SEPTIN10: variants seen among roughly 807,000 people sequenced by gnomAD.
The protein encoded by SEPTIN10 is septin 10.
A neutral mutation model predicts 54.8 loss-of-function variants in SEPTIN10; 66 were observed. That is an observed-to-expected ratio of 1.21 (90% CI 0.99 to 1.48). The LOEUF (loss-of-function observed/expected upper bound fraction) is 1.48, where lower values mean the gene tolerates loss of function less well. SEPTIN10 is among the 40% of genes most tolerant of loss of function. The pLI is 0.00. For missense variants in SEPTIN10, 620 were observed against 545.6 expected (o/e 1.14, Z -1.36); for synonymous variants, 161 against 181.0 (o/e 0.89, Z 0.89).
chr2:109,566,912 T>C (rs1687167163), intron 6 of SEPTIN10, among the ~76,000 whole-genome samples: 1 of 152,216 alleles, frequency 6.6e-6, no homozygotes, highest in Non-Finnish European at 1.5e-5. Context: ...ATTTAGTTTC[T>C]TAATGGTGGC....
chr2:109,565,812 G>A lies in SEPTIN10; in HGVS notation c.810C>T (p.Val270=), dbSNP rs369518984. 996 of 1,613,886 alleles carry A rather than the reference G, an allele frequency of 6.2e-4. 1 individual carries two copies. The highest frequency in any genetic ancestry group is 8.2e-4 in the Non-Finnish European group (965 of 1,179,974). Residue 270 remains valine, a synonymous_variant, in exon 7 of 11, where the codon GTC becomes GTT. Coordinates refer to ENST00000397712, the MANE Select transcript of SEPTIN10 (RefSeq NM_144710.5). ...AVVGSMDEVK[V]GNKMVKARQY... ...GGCGAGCTTTGACCATCTTGTTTCC[G>A]ACTTTTACCTCATCCATACTTCCCA...
At chr2:109,583,463 G>A (rs955156419) in intron 4 of SEPTIN10, among the ~76,000 whole-genome samples, 2 of 152,146 alleles carry the variant, frequency 1.3e-5, no homozygotes, top group Non-Finnish European at 2.9e-5. Flanking sequence ...AGTCAGAATG[G>A]CTATTATTAA....
intron 5 of SEPTIN10, among the ~76,000 whole-genome samples, chr2:109,572,935 A>G (rs1688756784): frequency 6.6e-6 from 1 of 152,208 alleles, no homozygotes; most frequent in Non-Finnish European, 1.5e-5. Flanking sequence ...CTTATGTAAA[A>G]TAAGAGGCAG....
intron 1 of SEPTIN10, among the ~76,000 whole-genome samples, chr2:109,596,727 C>G (rs1183273877): frequency 3.3e-5 from 5 of 152,022 alleles, no homozygotes; most frequent in Admixed American, 3.3e-4. Flanking sequence ...TATCAAATAT[C>G]TGCTTTTGTT....
intron 9 of SEPTIN10, among the ~76,000 whole-genome samples, chr2:109,547,369 GTTTT>G (rs35573327): frequency 1.7e-4 from 20 of 117,874 alleles, no homozygotes; most frequent in Non-Finnish European, 3.0e-4. Context: ...TAATAAACTT[GTTTT>G]TTTTTTTTTT....
chr2:109,585,612 GATC>G, intron 3 of SEPTIN10, 106 bp downstream of exon 3: 1 of 846,454 alleles, frequency 1.2e-6, no homozygotes, highest in Non-Finnish European at 1.9e-6. Flanking sequence ...GAATCCCTGG[GATC>G]ATGATTTCAA....
chr2:109,587,913 CA>C (rs59990177), intron 2 of SEPTIN10, among the ~76,000 whole-genome samples: 44 of 134,852 alleles, frequency 3.3e-4, no homozygotes, highest in African/African-American at 4.8e-4. Context: ...ACTCCATCTC[CA>C]AAAAAAAAAA....
At chr2:109,599,748 G>A (rs868616966) in intron 1 of SEPTIN10, among the ~76,000 whole-genome samples, 5 of 152,088 alleles carry the variant, frequency 3.3e-5, no homozygotes, top group South Asian at 2.1e-4. Flanking sequence ...AGAGTTAAGA[G>A]TCTCAAGCTT....
intron 8 of SEPTIN10, among the ~76,000 whole-genome samples, chr2:109,558,073 TGA>T (rs1407760969): frequency 4.6e-5 from 7 of 152,188 alleles, no homozygotes; most frequent in African/African-American, 1.7e-4. Context: ...ATTACAGGCG[TGA>T]ACGACTGCAC....
chr2:109,547,675 A>G (rs1681652276), intron 9 of SEPTIN10, among the ~76,000 whole-genome samples: 1 of 152,198 alleles, frequency 6.6e-6, no homozygotes, highest in African/African-American at 2.4e-5. Context: ...CATAGAAGGC[A>G]TATTTCTCAA....
At chr2:109,548,353 C>T in intron 9 of SEPTIN10, among the ~76,000 whole-genome samples, 1 of 152,150 alleles carries the variant, frequency 6.6e-6, no homozygotes, top group East Asian at 1.9e-4. Flanking sequence ...GGGTAGAAAC[C>T]TGGCATTCAT....
Position 109,565,843 on chromosome 2 carries a change from G to A in SEPTIN10, c.779C>T (p.Ala260Val), listed in dbSNP as rs1223954228. 27 of 1,613,736 alleles carry A rather than the reference G, an allele frequency of 1.7e-5. No individual in the cohort carries two copies. Among genetic ancestry groups the A allele is most frequent in the Non-Finnish European group, 2.2e-5 (26 of 1,179,934 alleles). ...NAAMNGQLPF[A>V]VVGSMDEVKV... ...TACCTCATCCATACTTCCCACAACA[G>A]CAAACGGCAACTGTCCCTGAAAAAG... The change falls in exon 7 of 11, where the codon GCT (alanine) becomes GTT (valine). Residue 260 changes from alanine (A) to valine (V), a missense_variant. Ala to Val is a moderately conservative substitution (Grantham distance 64). Transcript: ENST00000397712.
At position 109,585,163 on chromosome 2, in the gene SEPTIN10, T is replaced by C; in HGVS notation, c.376A>G (p.Thr126Ala). 6.2e-7 allele frequency: 1 copy of C among 1,605,220 alleles called. No homozygotes were observed. The highest frequency in any genetic ancestry group is 8.5e-7 in the Non-Finnish European group (1 of 1,176,632). ...TTTATTTGGTCACCAAATCCCACTG[T>C]ATTCACAATGGTCAATTTCAATTGA... ...NVQLKLTIVN[T>A]VGFGDQINKE... The change falls in exon 4 of 11, where the codon ACA becomes GCA. Residue 126 changes from threonine (T) to alanine (A), a missense_variant. Thr to Ala is a moderately conservative substitution (Grantham distance 58). Coordinates refer to ENST00000397712, the MANE Select transcript of SEPTIN10 (RefSeq NM_144710.5).
chr2:109,561,629 G>C (rs1161893086), intron 8 of SEPTIN10, among the ~76,000 whole-genome samples: 1 of 152,098 alleles, frequency 6.6e-6, no homozygotes, highest in Non-Finnish European at 1.5e-5. Context: ...CTCTTCACCT[G>C]AATATTTAAT....
At chr2:109,608,984 T>G (rs1698628003) in intron 1 of SEPTIN10, among the ~76,000 whole-genome samples, 1 of 152,222 alleles carries the variant, frequency 6.6e-6, no homozygotes, top group Admixed American at 6.5e-5. Context: ...AGGGACTCTA[T>G]CCTGCAGTAG....
intron 5 of SEPTIN10, among the ~76,000 whole-genome samples, chr2:109,570,447 A>G (rs1200423939): frequency 1.3e-5 from 2 of 152,206 alleles, no homozygotes; most frequent in Non-Finnish European, 2.9e-5. Context: ...AATTTTTTTA[A>G]TGACAATACA....
chr2:109,567,115 T>C (rs1687212325), intron 6 of SEPTIN10, among the ~76,000 whole-genome samples: 1 of 152,144 alleles, frequency 6.6e-6, no homozygotes, highest in African/African-American at 2.4e-5. Context: ...TTATTGAAAG[T>C]CACTGTTAGG....
At chr2:109,545,586 TTG>T in intron 10 of SEPTIN10, 1 of 1,534,024 alleles carries the variant, frequency 6.5e-7, no homozygotes, top group Non-Finnish European at 8.7e-7. Flanking sequence ...TCAGTAGAAT[TTG>T]TTCTAAAAAA....
At chr2:109,588,218 A>T (rs139955599) in intron 2 of SEPTIN10, among the ~76,000 whole-genome samples, 1 of 152,328 alleles carries the variant, frequency 6.6e-6, no homozygotes, top group African/African-American at 2.4e-5. Context: ...ATCCACTGCC[A>T]GTTGGCCCAC....
Sources: gnomAD v4.1 joint callset for allele counts (sites outside exome capture counted in the v4.1 genomes callset) on GRCh38, gnomAD v4.1.1 for gene constraint, MANE v1.5 for transcripts, NCBI Gene and HGNC (gene_info 2026-07-23, HGNC 2026-07-21) for gene names.